The following DAB2 variants were observed in gnomAD, a reference collection of about 807,000 sequenced individuals.
DAB2 encodes disabled homolog 2.
Under a neutral mutation model 71.6 loss-of-function variants are expected in DAB2, and 28 were observed. The observed-to-expected ratio is 0.39, with a 90% CI of 0.29 to 0.54. DAB2 has a LOEUF of 0.54. Among genes scored for constraint, DAB2 ranks in the 20% least tolerant of loss-of-function variants. The pLI, the probability that DAB2 is intolerant of heterozygous loss-of-function variation, is 0.68. For missense variants in DAB2, 867 were observed against 928.8 expected, an observed-to-expected ratio of 0.93 and a Z score of 0.86; for synonymous variants, 345 against 339.7, an observed-to-expected ratio of 1.02 and a Z score of -0.17.
intron 1 of DAB2, among the ~76,000 whole-genome samples, chr5:39,414,536 C>G (rs139436681): frequency 0.015 from 2,271 of 152,140 alleles, 43 homozygotes; most frequent in African/African-American, 0.052. Context: ...TCAGGTCAGA[C>G]AGATATATGA....
intron 1 of DAB2, among the ~76,000 whole-genome samples, chr5:39,410,896 A>G (rs1056969471): frequency 6.6e-6 from 1 of 152,136 alleles, no homozygotes; most frequent in Admixed American, 6.5e-5. Context: ...ACTAAAATTT[A>G]TCATTTACAT....
chr5:39,419,519 C>A (rs1755930211), intron 1 of DAB2, among the ~76,000 whole-genome samples: 2 of 152,290 alleles, frequency 1.3e-5, no homozygotes, highest in South Asian at 2.1e-4. Context: ...AGGAGCAGTG[C>A]TTCGTTAGCC....
intron 9 of DAB2, chr5:39,388,080 G>A (rs956931165): frequency 2.1e-6 from 1 of 470,968 alleles, no homozygotes; most frequent in Admixed American, 3.9e-5. Context: ...CTGACTTATT[G>A]TTCAGGTTTA....
At chr5:39,385,916 T>C (rs541681303) in intron 9 of DAB2, among the ~76,000 whole-genome samples, 2 of 152,342 alleles carry the variant, frequency 1.3e-5, no homozygotes, top group African/African-American at 4.8e-5. Context: ...CCAACTCAAA[T>C]TCAGATTCTT....
chr5:39,376,558 G>A (rs1754835795), intron 12 of DAB2, 92 bp downstream of exon 12: 1 of 1,432,638 alleles, frequency 7.0e-7, no homozygotes, highest in Non-Finnish European at 9.5e-7. Flanking sequence ...GCTGTTGGCG[G>A]GTGGGAGAGG....
chr5:39,419,382 C>A (rs1264657653), intron 1 of DAB2, among the ~76,000 whole-genome samples: 1 of 152,172 alleles, frequency 6.6e-6, no homozygotes. Flanking sequence ...CATAAAGATT[C>A]ATAATTGAAT....
rs34529705 is a variant in DAB2 at position 39,394,306 on chromosome 5, T to C, written c.15A>G (p.Val5=). The change falls in exon 2 of 15, where the codon GTA becomes GTG. Residue 5 remains valine, a synonymous_variant. Transcript: ENST00000320816. MSNE[V]ETSATNGQPD... ...GCTGACCATTGGTTGCACTTGTTTC[T>C]ACTTCGTTAGACATGGCAAGAAGGC... 0.035 allele frequency: 56,551 copies of C among 1,613,984 alleles called. 1,209 individuals carry two copies. Among genetic ancestry groups the C allele is most frequent in the South Asian group, 0.075 (6,848 of 91,072 alleles).
chr5:39,420,994 T>C (rs1237902439), intron 1 of DAB2, among the ~76,000 whole-genome samples: 1 of 152,142 alleles, frequency 6.6e-6, no homozygotes, highest in East Asian at 1.9e-4. Context: ...CCCTTCCCAC[T>C]TCCTTCTGTG....
At position 39,403,283 on chromosome 5, in the gene DAB2, G is replaced by A. The variant is rs115941572; in HGVS notation, c.-101-8862C>T. Among the ~76,000 whole-genome samples, 839 of 152,230 alleles carry A rather than the reference G, an allele frequency of 5.5e-3. 12 individuals carry two copies. Among genetic ancestry groups the A allele is most frequent in the African/African-American group, 0.02 (813 of 41,538 alleles). ...TGAAATAGCTGGAGGGGACAAAGCT[G>A]GCACCAGGAAAGATCTAGCATGAGA... On this transcript the variant is annotated intron_variant, in intron 1 of 14. Transcript: ENST00000320816.
At chr5:39,375,189 C>T in intron 13 of DAB2, 105 bp from the exon 14 acceptor site, 3 of 740,324 alleles carry the variant, frequency 4.1e-6, no homozygotes, top group Admixed American at 4.9e-5. Context: ...AGGTCATAGG[C>T]CAATCAGCCA....
chr5:39,413,404 C>T (rs1375682625), intron 1 of DAB2, among the ~76,000 whole-genome samples: 1 of 152,118 alleles, frequency 6.6e-6, no homozygotes, highest in Non-Finnish European at 1.5e-5. Flanking sequence ...TTATGTCTTA[C>T]ACCCTACATT....
intron 1 of DAB2, among the ~76,000 whole-genome samples, chr5:39,404,666 C>T (rs912799960): frequency 6.6e-6 from 1 of 151,916 alleles, no homozygotes; most frequent in Admixed American, 6.5e-5. Flanking sequence ...GCAACCTCCA[C>T]CTCCCGGGTT....
intron 1 of DAB2, among the ~76,000 whole-genome samples, chr5:39,412,951 T>C (rs542815809): frequency 3.9e-5 from 6 of 152,176 alleles, no homozygotes; most frequent in African/African-American, 1.2e-4. Context: ...AAGATATTCA[T>C]GTCTGCTTGG....
Position 39,373,395 on chromosome 5 carries a change from T to A in DAB2, c.*36A>T, listed in dbSNP as rs1265644778. On this transcript the variant is annotated 3_prime_UTR_variant, in exon 15 of 15. Coordinates refer to ENST00000320816, the MANE Select transcript of DAB2 (RefSeq NM_001343.4). Reference sequence around the variant, plus strand: ...TTTTGACTACTAAGGCCAACCTTTTTATTCCTCTGGATGGTCTGCAGACCA... The same window carrying A: ...TTTTGACTACTAAGGCCAACCTTTTAATTCCTCTGGATGGTCTGCAGACCA... 6.6e-6 allele frequency: 1 copy of A among 152,604 alleles called. No individual in the cohort carries two copies. Among genetic ancestry groups the A allele is most frequent in the African/African-American group, 2.4e-5 (1 of 41,456 alleles). The allele number at this position is 152,604 out of a possible 1,614,324, so 9.5% of individuals were successfully genotyped here. A position where few individuals can be genotyped will look rare whatever the true frequency, so the allele number is the denominator to read the frequency against.
intron 1 of DAB2, among the ~76,000 whole-genome samples, chr5:39,407,143 C>A (rs1476800823): frequency 6.6e-6 from 1 of 152,202 alleles, no homozygotes; most frequent in Non-Finnish European, 1.5e-5. Context: ...TTACTGTTTT[C>A]ATGTCTGTCC....
Position 39,375,046 on chromosome 5 carries a change from C to T in DAB2, c.2286G>A (p.Arg762=), listed in dbSNP as rs903537179. The T allele has an allele frequency of 6.8e-6, 11 of 1,611,594 alleles. No individual in the cohort carries two copies. The Admixed American group carries it at 1.3e-4, about 20-fold the overall frequency. The change falls in exon 14 of 15, where the codon AGG becomes AGA. Residue 762 remains arginine (R), a synonymous_variant. Transcript: ENST00000320816. ...SSQPVSSEMY[R]DPFGNPFA is the part of the protein sequence containing the mutation. ...AGGCAAAAGGATTTCCAAATGGATC[C>T]CTATACATCTCAGAAGATACAGGTT...
chr5:39,416,557 C>T (rs185261092), intron 1 of DAB2, among the ~76,000 whole-genome samples: 2 of 152,256 alleles, frequency 1.3e-5, no homozygotes, highest in East Asian at 3.9e-4. Context: ...TTCTGTTTCC[C>T]CTAAACAGAC....
At chr5:39,377,433 C>T in intron 11 of DAB2, 151 bp from the exon 12 acceptor site, 1 of 824,564 alleles carries the variant, frequency 1.2e-6, no homozygotes, top group South Asian at 1.8e-5. Context: ...ACAGATTAAT[C>T]ACTGTAAAAG....
chr5:39,418,048 T>TTAA (rs1236277018), intron 1 of DAB2: 3 of 152,204 alleles, frequency 2.0e-5, no homozygotes, highest in Non-Finnish European at 4.4e-5. Context: ...TTTAAGTCGC[T>TTAA]TAATTTTAGA....
Sources: gnomAD v4.1 joint callset for allele counts (sites outside exome capture counted in the v4.1 genomes callset) on GRCh38, gnomAD v4.1.1 for gene constraint, MANE v1.5 for transcripts, NCBI Gene and HGNC (gene_info 2026-07-23, HGNC 2026-07-21) for gene names.